The following ZDHHC2 variants were observed in gnomAD, a reference collection of about 807,000 sequenced individuals.
ZDHHC2 encodes palmitoyltransferase ZDHHC2.
ZDHHC2 carries 51 observed loss-of-function variants against 55.6 expected under a neutral mutation model. The observed-to-expected ratio is 0.92, with a 90% CI of 0.73 to 1.16. ZDHHC2 has a LOEUF of 1.16. Among genes scored for constraint, ZDHHC2 ranks in the 50% most tolerant of loss-of-function variants. ZDHHC2 has a pLI of 0.00. For missense variants in ZDHHC2, 491 were observed against 442.4 expected (o/e 1.11, Z -0.99); for synonymous variants, 199 against 152.9 (o/e 1.30, Z -2.22).
chr8:17,159,957 T>C (rs6996669), intron 1 of ZDHHC2, among the ~76,000 whole-genome samples: 3,916 of 152,230 alleles, frequency 0.026, 184 homozygotes, highest in African/African-American at 0.089. Flanking sequence ...TCTTTAGATA[T>C]TAGGTTGGTT....
At chr8:17,166,515 G>T (rs1364215936) in intron 1 of ZDHHC2, among the ~76,000 whole-genome samples, 1 of 152,174 alleles carries the variant, frequency 6.6e-6, no homozygotes, top group South Asian at 2.1e-4. Context: ...GAGAGGTGTA[G>T]AATGTGGGAA....
chr8:17,202,284 G>A (rs375696372), intron 6 of ZDHHC2, among the ~76,000 whole-genome samples: 2 of 133,596 alleles, frequency 1.5e-5, no homozygotes, highest in Non-Finnish European at 3.3e-5. Flanking sequence ...GCAGTGGCAC[G>A]ATCTTGGCTC....
chr8:17,199,539 CG>C (rs1806562349), intron 6 of ZDHHC2, among the ~76,000 whole-genome samples: 2 of 67,952 alleles, frequency 2.9e-5, no homozygotes, highest in African/African-American at 1.0e-4. Context: ...CTTCTGTCTT[CG>C]TCTTCTGTCT....
chr8:17,193,255 C>T (rs1157754415), intron 3 of ZDHHC2, among the ~76,000 whole-genome samples: 1 of 152,130 alleles, frequency 6.6e-6, no homozygotes, highest in Non-Finnish European at 1.5e-5. Context: ...TACCCCAATC[C>T]CAGTAATACT....
intron 2 of ZDHHC2, among the ~76,000 whole-genome samples, 185 bp downstream of exon 2, chr8:17,185,000 A>G (rs1057238792): frequency 6.6e-6 from 1 of 152,210 alleles, no homozygotes; most frequent in African/African-American, 2.4e-5. Context: ...AAAGAATTCT[A>G]TCCTGAAATG....
At chr8:17,162,385 T>C (rs910736470) in intron 1 of ZDHHC2, among the ~76,000 whole-genome samples, 1 of 152,184 alleles carries the variant, frequency 6.6e-6, no homozygotes, top group Admixed American at 6.5e-5. Flanking sequence ...AGGCTTATTA[T>C]GGAAAAGTTC....
intron 4 of ZDHHC2, 76 bp from the exon 5 acceptor site, chr8:17,197,506 G>A: frequency 8.2e-7 from 1 of 1,220,102 alleles, no homozygotes; most frequent in South Asian, 1.4e-5. Flanking sequence ...TAAATTTGGA[G>A]AGATGATAAA....
intron 1 of ZDHHC2, among the ~76,000 whole-genome samples, chr8:17,168,269 C>A (rs1054764777): frequency 1.3e-5 from 2 of 152,166 alleles, no homozygotes; most frequent in Non-Finnish European, 2.9e-5. Flanking sequence ...GCTTAGCATG[C>A]GGAAATGCCT....
intron 12 of ZDHHC2, among the ~76,000 whole-genome samples, chr8:17,219,016 C>A (rs559157707): frequency 6.6e-6 from 1 of 152,012 alleles, no homozygotes; most frequent in African/African-American, 2.4e-5. Flanking sequence ...CTTTGGGAGG[C>A]TGAGATGGGT....
intron 3 of ZDHHC2, among the ~76,000 whole-genome samples, chr8:17,186,733 C>G (rs1029186891): frequency 1.3e-5 from 2 of 152,108 alleles, no homozygotes; most frequent in Non-Finnish European, 2.9e-5. Flanking sequence ...AGAAGGTAGA[C>G]ATAATTCTAT....
chr8:17,205,398 C>T (rs182291462), intron 6 of ZDHHC2, among the ~76,000 whole-genome samples: 146 of 152,220 alleles, frequency 9.6e-4, no homozygotes, highest in African/African-American at 3.3e-3. Context: ...TGCATACTTG[C>T]GTAATTTGAG....
At chr8:17,204,556 A>G (rs1356250803) in intron 6 of ZDHHC2, among the ~76,000 whole-genome samples, 1 of 152,190 alleles carries the variant, frequency 6.6e-6, no homozygotes, top group East Asian at 1.9e-4. Flanking sequence ...GAAATCAAAA[A>G]CTTTGATAGA....
intron 1 of ZDHHC2, among the ~76,000 whole-genome samples, chr8:17,157,130 T>C (rs1858708): frequency 0.86 from 130,220 of 152,074 alleles, 58,124 homozygotes; most frequent in Non-Finnish European, 1. Flanking sequence ...CGCCGCCGCC[T>C]CGGCCACACC....
chr8:17,201,668 T>G (rs993756331), intron 6 of ZDHHC2, among the ~76,000 whole-genome samples: 6 of 147,754 alleles, frequency 4.1e-5, no homozygotes, highest in Non-Finnish European at 6.0e-5. Flanking sequence ...GTTTTTGGTT[T>G]TTTTTTTTTT....
chr8:17,174,105 T>G lies in ZDHHC2; in HGVS notation c.131-10684T>G, dbSNP rs1447827696. 2.0e-5 allele frequency among the ~76,000 whole-genome samples: 3 copies of G among 151,736 alleles called. No individual in the cohort carries two copies. In the East Asian group the frequency reaches 5.8e-4, roughly 29 times the overall value. On this transcript the variant is annotated intron_variant, in intron 1 of 12. Coordinates refer to ENST00000262096, the MANE Select transcript of ZDHHC2 (RefSeq NM_016353.5). ...TTTTCTTCTTCTTCTTCTTTTTTTT[T>G]TTTTAACAAGGTCTTGCTCTGTCTC...
intron 6 of ZDHHC2, among the ~76,000 whole-genome samples, chr8:17,203,809 C>CT (rs3041019): frequency 0.12 from 16,230 of 129,954 alleles, 1,232 homozygotes; most frequent in East Asian, 0.25. Flanking sequence ...TCTTTTTTTT[C>CT]TTTTTTTTTT....
intron 1 of ZDHHC2, among the ~76,000 whole-genome samples, chr8:17,183,917 C>G (rs1244346018): frequency 6.6e-6 from 1 of 152,116 alleles, no homozygotes; most frequent in African/African-American, 2.4e-5. Flanking sequence ...TTAAAAATTT[C>G]TCACACTACC....
At chr8:17,204,033 C>G (rs1298283421) in intron 6 of ZDHHC2, among the ~76,000 whole-genome samples, 2 of 151,972 alleles carry the variant, frequency 1.3e-5, no homozygotes, top group African/African-American at 2.4e-5. Context: ...GCCTTGATCT[C>G]TTGACCTTGT....
At position 17,199,601 on chromosome 8, in the gene ZDHHC2, TA is replaced by T. The variant is rs1416575397; in HGVS notation, c.476+1189del. ...CTTCTTCTTCTTCTTTCTTCTTCTTTATTCTTTCTTCTTCTTCTTCTTCCTT... is the reference window on the plus strand; with the variant it reads ...CTTCTTCTTCTTCTTTCTTCTTCTTTTTCTTTCTTCTTCTTCTTCTTCCTT... On this transcript the variant is annotated intron_variant, in intron 6 of 12. Coordinates refer to ENST00000262096, the MANE Select transcript of ZDHHC2 (RefSeq NM_016353.5). Among the ~76,000 whole-genome samples the T allele has an allele frequency of 9.4e-4, 22 of 23,300 alleles. 1 individual carries two copies. Among genetic ancestry groups the T allele is most frequent in the Admixed American group, 3.7e-3 (6 of 1,624 alleles). The allele number at this position is 23,300 out of a possible 152,430, so 15.3% of individuals were successfully genotyped here. A position where few individuals can be genotyped will look rare whatever the true frequency, so the allele number is the denominator to read the frequency against.
Sources: gnomAD v4.1 joint callset for allele counts (sites outside exome capture counted in the v4.1 genomes callset) on GRCh38, gnomAD v4.1.1 for gene constraint, MANE v1.5 for transcripts, NCBI Gene and HGNC (gene_info 2026-07-23, HGNC 2026-07-21) for gene names.